RAP1GAP2: variants seen among roughly 807,000 people sequenced by gnomAD.
The protein encoded by RAP1GAP2 is rap1 GTPase-activating protein 2.
RAP1GAP2 carries 27 observed loss-of-function variants against 95.0 expected under a neutral mutation model. The observed-to-expected ratio is 0.28, with a 90% confidence interval of 0.21 to 0.39. The LOEUF is 0.39. Among genes scored for constraint, RAP1GAP2 ranks in the 10% least tolerant of loss-of-function variants. RAP1GAP2 has a pLI of 1.00. For missense variants in RAP1GAP2, 771 were observed against 970.0 expected (o/e 0.79, Z 2.72); for synonymous variants, 373 against 380.9 (o/e 0.98, Z 0.24).
rs564311153 is a variant in RAP1GAP2, at chr17:2,869,649, T to C, written c.81-35635T>C. Among the ~76,000 whole-genome samples the C allele has an allele frequency of 3.3e-5, 5 of 152,210 alleles. No individual in the cohort carries two copies. In the South Asian group the frequency reaches 1.0e-3, roughly 32 times the overall value. On this transcript the variant is annotated intron_variant, in intron 2 of 24. Transcript: ENST00000254695. ...ACAGCCCACGTTCTGAAGTTGAAGG[T>C]CCCTCAGGGCTCTGTCCTGCCCAAG...
At chr17:2,868,060 C>T (rs969529525) in intron 2 of RAP1GAP2, among the ~76,000 whole-genome samples, 2 of 152,144 alleles carry the variant, frequency 1.3e-5, no homozygotes, top group African/African-American at 2.4e-5. Context: ...TGGCTTTGCT[C>T]GGGGTTGGCT....
chr17:2,839,201 G>A (rs1290099135), intron 2 of RAP1GAP2, among the ~76,000 whole-genome samples: 3 of 152,082 alleles, frequency 2.0e-5, no homozygotes, highest in African/African-American at 7.2e-5. Flanking sequence ...TGCTCGGGAG[G>A]CTGAGGCAGG....
chr17:2,771,617 G>T (rs976641020), intron 2 of RAP1GAP2, among the ~76,000 whole-genome samples: 1 of 150,220 alleles, frequency 6.7e-6, no homozygotes, highest in Non-Finnish European at 1.5e-5. Flanking sequence ...AGCCTCCCGC[G>T]TAGCTGGGAT....
At chr17:2,851,204 C>G (rs2071833548) in intron 2 of RAP1GAP2, among the ~76,000 whole-genome samples, 1 of 152,212 alleles carries the variant, frequency 6.6e-6, no homozygotes, top group South Asian at 2.1e-4. Context: ...GGGCTAACTG[C>G]ACACACTGGC....
At chr17:3,020,316 GTCTCAGCTTCAGTTACATAGA>G in intron 18 of RAP1GAP2, among the ~76,000 whole-genome samples, 140 bp from the exon 19 acceptor site, 1 of 152,354 alleles carries the variant, frequency 6.6e-6, no homozygotes, top group East Asian at 1.9e-4. Flanking sequence ...GAGTCTCCAG[GTCTCAGCTTCAGTTACATAGA>G]TCTCAACCTT....
chr17:2,900,307 C>G (rs1015661040), intron 2 of RAP1GAP2, among the ~76,000 whole-genome samples: 2 of 152,244 alleles, frequency 1.3e-5, no homozygotes, highest in East Asian at 3.9e-4. Flanking sequence ...ATTTAAACGG[C>G]CTTGGACTCT....
At chr17:2,883,300 C>CGGTG (rs1275886651) in intron 2 of RAP1GAP2, among the ~76,000 whole-genome samples, 2 of 152,142 alleles carry the variant, frequency 1.3e-5, no homozygotes, top group Non-Finnish European at 2.9e-5. Flanking sequence ...GTCTGCAGGT[C>CGGTG]GGTGTCCCAG....
rs569903071 is a variant in RAP1GAP2 at position 2,830,712 on chromosome 17, T to TCAAAA, written c.80+30183_80+30187dup. Among the ~76,000 whole-genome samples the TCAAAA allele has an allele frequency of 8.9e-3, 1,355 of 152,014 alleles. 17 individuals are homozygous for TCAAAA. The highest frequency in any genetic ancestry group is 0.068 in the East Asian group (350 of 5,152). ...CTGGGCGACAGAATGAGACTCTGTC[T>TCAAAA]CAAAACAAAACAAAACAAAACAAAA... On this transcript the variant is annotated intron_variant, in intron 2 of 24. Coordinates refer to ENST00000254695, the MANE Select transcript of RAP1GAP2 (RefSeq NM_015085.5).
intron 9 of RAP1GAP2, 131 bp downstream of exon 9, chr17:2,980,496 A>G: frequency 3.4e-6 from 3 of 875,768 alleles, no homozygotes; most frequent in Middle Eastern, 3.4e-4. Context: ...CTCTTTGGCC[A>G]TTGACTGCAC....
At chr17:2,760,123 C>T (rs2071214745) in intron 1 of RAP1GAP2, among the ~76,000 whole-genome samples, 1 of 151,422 alleles carries the variant, frequency 6.6e-6, no homozygotes, top group East Asian at 2.0e-4. Context: ...GAAACCCCGT[C>T]TCTACCAAAA....
rs560772311 is a variant in RAP1GAP2 at position 2,866,814 on chromosome 17, G to T, written c.81-38470G>T. On this transcript the variant is annotated intron_variant, in intron 2 of 24. Transcript: ENST00000254695. This position sits in a 1 kb window ranked among gnomAD's most constrained non-coding sequence, Gnocchi z 4.0. The stretch of plus-strand genomic sequence containing the variant: ...GGGGTTTCACCACGTTGGCCGGGCT[G>T]GTCTCGAACTCCTGGCCTCAAGCGA... Among the ~76,000 whole-genome samples, 1 of 152,150 alleles carries T rather than the reference G, an allele frequency of 6.6e-6. No individual in the cohort carries two copies. Among genetic ancestry groups the T allele is most frequent in the African/African-American group, 2.4e-5 (1 of 41,500 alleles).
intron 1 of RAP1GAP2, among the ~76,000 whole-genome samples, chr17:2,782,011 A>G (rs1212695527): frequency 2.0e-5 from 3 of 152,076 alleles, no homozygotes; most frequent in Non-Finnish European, 4.4e-5. Context: ...CTTTCTCTGG[A>G]TATGTGTGCC....
intron 3 of RAP1GAP2, among the ~76,000 whole-genome samples, chr17:2,929,562 G>A (rs556788989): frequency 4.6e-5 from 7 of 152,282 alleles, no homozygotes; most frequent in South Asian, 2.1e-4. Context: ...CGTAGGGATC[G>A]TTTGGCATCA....
At position 2,963,439 on chromosome 17, in the gene RAP1GAP2, A is replaced by G. The variant is rs770777215; in HGVS notation, c.256A>G (p.Ile86Val). The G allele has an allele frequency of 1.2e-6, 2 of 1,613,642 alleles. No homozygotes were observed. Among genetic ancestry groups the G allele is most frequent in the South Asian group, 1.1e-5 (1 of 91,074 alleles). The change falls in exon 6 of 25, where the codon ATC becomes GTC. Residue 86 changes from isoleucine to valine, a missense_variant. Physicochemically the swap from Ile to Val is conservative, Grantham distance 29 (BLOSUM62 3). Transcript: ENST00000254695. The surrounding 1 kb of genome is among the most constrained non-coding windows in gnomAD (Gnocchi z 4.8). ...CTGGTTTGTCTTGCAGGACGACTAT[A>G]TCCCATACCCCAGCATCGACGAGGT... is the stretch of plus-strand genomic sequence containing the variant. ...PGPQKNKDDY[I>V]PYPSIDEVVE...
At chr17:2,925,037 T>C (rs1220118329) in intron 3 of RAP1GAP2, among the ~76,000 whole-genome samples, 3 of 152,192 alleles carry the variant, frequency 2.0e-5, no homozygotes, top group Non-Finnish European at 4.4e-5. Context: ...TTTGGGACTG[T>C]ATGTGAGTGC....
At chr17:2,826,505 A>T (rs565412444) in intron 2 of RAP1GAP2, among the ~76,000 whole-genome samples, 4 of 151,540 alleles carry the variant, frequency 2.6e-5, no homozygotes, top group African/African-American at 9.7e-5. Flanking sequence ...GAAGAGCGGG[A>T]TGGGGGAACC....
In RAP1GAP2 at chr17:3,004,323, G is replaced by A. The variant is rs562684235; in HGVS notation, c.1201-1046G>A. ...GTATTGACCAGCTCTCTCCCGCTCC[G>A]TTTCCCCTCCGGACTCTGGCAGGGC... is the stretch of plus-strand genomic sequence containing the variant. On this transcript the variant is annotated intron_variant, in intron 14 of 24. Coordinates refer to ENST00000254695, the MANE Select transcript of RAP1GAP2 (RefSeq NM_015085.5). This position sits in a 1 kb window ranked among gnomAD's most constrained non-coding sequence, Gnocchi z 4.1. 1.3e-5 allele frequency among the ~76,000 whole-genome samples: 2 copies of A among 152,354 alleles called. No individual in the cohort carries two copies. Among genetic ancestry groups the A allele is most frequent in the Admixed American group, 1.3e-4 (2 of 15,306 alleles).
At chr17:2,907,092 T>C (rs559223162) in intron 3 of RAP1GAP2, among the ~76,000 whole-genome samples, 34 of 115,848 alleles carry the variant, frequency 2.9e-4, no homozygotes, top group Middle Eastern at 8.2e-3. Context: ...AAGAAAAGTA[T>C]TTTTTTCCCC....
At chr17:2,762,850 A>C (rs888567012) in intron 1 of RAP1GAP2, among the ~76,000 whole-genome samples, 1 of 151,668 alleles carries the variant, frequency 6.6e-6, no homozygotes, top group African/African-American at 2.4e-5. Flanking sequence ...CTAATTATTT[A>C]TCTTTTGTAG....
Sources: gnomAD v4.1 joint callset for allele counts (sites outside exome capture counted in the v4.1 genomes callset) on GRCh38, gnomAD v4.1.1 for gene constraint, Gnocchi (gnomAD v3.1) non-coding constraint, MANE v1.5 for transcripts, NCBI Gene and HGNC (gene_info 2026-07-23, HGNC 2026-07-21) for gene names.